Variants in RYR3 observed in about 807,000 individuals in gnomAD.
The protein encoded by RYR3 is ryanodine receptor 3.
In RYR3, 207 loss-of-function variants were observed where a neutral mutation model predicts 584.3. The observed-to-expected ratio is 0.35, with a 90% CI of 0.32 to 0.40. RYR3 has a LOEUF of 0.40. Among genes scored for constraint, RYR3 ranks in the 10% least tolerant of loss-of-function variants. The pLI is 1.00. For synonymous variants in RYR3, 2,416 were observed against 2,248.5 expected (o/e 1.07, Z -2.11); for missense variants, 5,616 against 6,089.2 (o/e 0.92, Z 2.59).
chr15:33,842,003 A>G lies in RYR3; in HGVS notation c.13177A>G (p.Lys4393Glu), dbSNP rs1449121022. 24 of 1,602,608 alleles carry G rather than the reference A, an allele frequency of 1.5e-5. No homozygotes were observed. The highest frequency in any genetic ancestry group is 2.0e-5 in the Non-Finnish European group (24 of 1,174,424). Reference protein sequence around the residue: ...KPEAFTANFFKGLEIYQTKLL... With the variant: ...KPEAFTANFFEGLEIYQTKLL... ...GGAAGCTTTCACAGCCAATTTCTTTAAAGGGCTGGAAATCTATCAGACCAA... is the reference window on the plus strand; with the variant it reads ...GGAAGCTTTCACAGCCAATTTCTTTGAAGGGCTGGAAATCTATCAGACCAA... Residue 4393 changes from lysine to glutamate, a missense_variant, in exon 91 of 104, where the codon AAA becomes GAA. By Grantham distance (56) the Lys-to-Glu change is moderately conservative (BLOSUM62 1). Coordinates refer to ENST00000634891, the MANE Select transcript of RYR3 (RefSeq NM_001036.6).
intron 18 of RYR3, among the ~76,000 whole-genome samples, chr15:33,606,363 T>C (rs1487349429): frequency 6.6e-6 from 1 of 152,230 alleles, no homozygotes; most frequent in Non-Finnish European, 1.5e-5. Context: ...GAGTCCTTGG[T>C]ACTTCACTCA....
At chr15:33,353,762 G>A (rs1973589023) in intron 1 of RYR3, among the ~76,000 whole-genome samples, 1 of 152,054 alleles carries the variant, frequency 6.6e-6, no homozygotes. Flanking sequence ...TTAACAGACA[G>A]TCTAATGGTG....
chr15:33,636,279 A>G (rs1224400541), intron 26 of RYR3, 97 bp from the exon 27 acceptor site: 1 of 1,024,084 alleles, frequency 9.8e-7, no homozygotes, highest in African/African-American at 1.6e-5. Context: ...TCATGTAACC[A>G]CTACTAGTTA....
intron 1 of RYR3, among the ~76,000 whole-genome samples, chr15:33,384,601 G>GCACA (rs10659855): frequency 0.026 from 3,823 of 145,252 alleles, 83 homozygotes; most frequent in African/African-American, 0.061. Context: ...ATCTATATAT[G>GCACA]CACACACACA....
intron 1 of RYR3, among the ~76,000 whole-genome samples, chr15:33,433,993 T>A (rs1185305454): frequency 1.3e-5 from 2 of 152,240 alleles, no homozygotes; most frequent in Non-Finnish European, 2.9e-5. Flanking sequence ...TGCAACAATT[T>A]GAACTTCACA....
chr15:33,809,295 A>C (rs2076381401), intron 70 of RYR3, among the ~76,000 whole-genome samples: 1 of 152,094 alleles, frequency 6.6e-6, no homozygotes, highest in African/African-American at 2.4e-5. Context: ...CATTGCTGCA[A>C]ACACTCCATG....
chr15:33,701,814 G>A (rs2066323485), intron 42 of RYR3, among the ~76,000 whole-genome samples: 1 of 152,156 alleles, frequency 6.6e-6, no homozygotes, highest in Non-Finnish European at 1.5e-5. Context: ...AAGCTGATCA[G>A]CCGCATTGTT....
intron 1 of RYR3, among the ~76,000 whole-genome samples, chr15:33,378,508 A>G (rs1331505024): frequency 6.6e-6 from 1 of 152,228 alleles, no homozygotes; most frequent in Non-Finnish European, 1.5e-5. Flanking sequence ...GGTTGGTAAT[A>G]AGCTGTTTGC....
chr15:33,688,496 C>T (rs1459479447), intron 38 of RYR3, among the ~76,000 whole-genome samples: 5 of 150,844 alleles, frequency 3.3e-5, no homozygotes, highest in African/African-American at 1.2e-4. Context: ...TGGCGTGGAC[C>T]CGGGAGGTGG....
chr15:33,530,569 C>G (rs1287664511), intron 3 of RYR3, 23 bp from the exon 4 acceptor site: 1 of 1,582,382 alleles, frequency 6.3e-7, no homozygotes, highest in South Asian at 1.1e-5. Flanking sequence ...ATGTGCTGAC[C>G]TTATTCTTCC....
At chr15:33,615,427 A>G (rs4238566) in intron 19 of RYR3, among the ~76,000 whole-genome samples, 1 of 152,050 alleles carries the variant, frequency 6.6e-6, no homozygotes, top group African/African-American at 2.4e-5. Flanking sequence ...GAATTGTCCT[A>G]TGCGAATGGT....
At chr15:33,798,298 C>T (rs1250678431) in intron 67 of RYR3, among the ~76,000 whole-genome samples, 1 of 152,056 alleles carries the variant, frequency 6.6e-6, no homozygotes, top group Admixed American at 6.5e-5. Context: ...ACCACATTGG[C>T]CAGGCTGGTC....
At position 33,546,211 on chromosome 15, in the gene RYR3, A is replaced by G. The variant is rs78474432; in HGVS notation, c.741-1919A>G. 9.4e-3 allele frequency among the ~76,000 whole-genome samples: 1,435 copies of G among 152,280 alleles called. 17 individuals are homozygous for G. Among genetic ancestry groups the G allele is most frequent in the African/African-American group, 0.031 (1,271 of 41,556 alleles). On this transcript the variant is annotated intron_variant, in intron 8 of 103. Coordinates refer to ENST00000634891, the MANE Select transcript of RYR3 (RefSeq NM_001036.6). ...AATCCTTCAGATGTCAGGGGTAGAG[A>G]ATCTTCTAGTTCCAGCTCCAGCGCT...
intron 1 of RYR3, among the ~76,000 whole-genome samples, chr15:33,399,593 G>A (rs1173211224): frequency 6.6e-6 from 1 of 152,118 alleles, no homozygotes; most frequent in African/African-American, 2.4e-5. Context: ...AGCCGAGATA[G>A]CGCCACTGCA....
intron 1 of RYR3, among the ~76,000 whole-genome samples, chr15:33,319,104 CAGTTG>C (rs1486795280): frequency 2.0e-5 from 3 of 152,194 alleles, no homozygotes; most frequent in Non-Finnish European, 2.9e-5. Flanking sequence ...GAAAATTTCA[CAGTTG>C]AGTTCTCTAA....
chr15:33,748,162 C>G lies in RYR3; in HGVS notation c.8038C>G (p.Leu2680Val), dbSNP rs2070931192. Reference protein sequence around the residue: ...WPARESLKTMLAVGWTVERTK... With the variant: ...WPARESLKTMVAVGWTVERTK... ...TGCGCGAGAGTCCCTGAAAACCATG[C>G]TGGCTGTGGGCTGGACTGTGGAGAG... The change falls in exon 54 of 104, where the codon CTG (leucine) becomes GTG (valine). Residue 2680 changes from leucine to valine, a missense_variant. Physicochemically the swap from Leu to Val is conservative, Grantham distance 32. This residue lies in a region of RYR3 where 1,280 missense variants were observed against 1,426.2 expected (regional missense o/e 0.90). Transcript: ENST00000634891. 2 of 1,613,838 alleles carry G rather than the reference C, an allele frequency of 1.2e-6. No homozygotes were observed. Among genetic ancestry groups the G allele is most frequent in the Middle Eastern group, 1.7e-4 (1 of 6,036 alleles).
In RYR3 at chr15:33,832,655, T is replaced by G. The variant is rs373282691; in HGVS notation, c.11463+1564T>G. Among the ~76,000 whole-genome samples, 10 of 80,020 alleles carry G rather than the reference T, an allele frequency of 1.2e-4. No individual in the cohort carries two copies. The East Asian group carries it at 2.3e-3, about 18-fold the overall frequency. 52.5% of individuals were successfully genotyped at this position (80,020 alleles called of 152,430 possible). On this transcript the variant is annotated intron_variant, in intron 86 of 103. Coordinates refer to ENST00000634891, the MANE Select transcript of RYR3 (RefSeq NM_001036.6). ...ATGGGTGACAGAGCGAGACTCTGTCTCAAAAAAAAAAAAAAAACCCTACAT... is the reference window on the plus strand; with the variant it reads ...ATGGGTGACAGAGCGAGACTCTGTCGCAAAAAAAAAAAAAAAACCCTACAT...
chr15:33,524,778 A>G (rs1032011627), intron 3 of RYR3, among the ~76,000 whole-genome samples: 1 of 152,060 alleles, frequency 6.6e-6, no homozygotes, highest in Non-Finnish European at 1.5e-5. Context: ...TCTCTTCCAT[A>G]TGTTTGAATT....
At position 33,636,380 on chromosome 15, in the gene RYR3, A is replaced by G. The variant is rs780286746; in HGVS notation, c.3386A>G (p.Gln1129Arg). 2 of 1,613,912 alleles carry G rather than the reference A, an allele frequency of 1.2e-6. No individual in the cohort carries two copies. Among genetic ancestry groups the G allele is most frequent in the Non-Finnish European group, 1.7e-6 (2 of 1,179,838 alleles). The change falls in exon 27 of 104, where the codon CAG becomes CGG. Residue 1129 changes from glutamine to arginine, a missense_variant. By Grantham distance (43) the Gln-to-Arg change is conservative. Around this residue, in one of 9 missense-constraint regions of RYR3, gnomAD observed 152 missense variants for 200.9 expected, o/e 0.76. Coordinates refer to ENST00000634891, the MANE Select transcript of RYR3 (RefSeq NM_001036.6). ...CCCTAGAGTCTTGTTTTCTAGGGCC[A>G]GCGTTGGCATCAAGGAAGTGGGTAT... ...QAFVFEGNRG[Q>R]RWHQGSGYFG...
Sources: gnomAD v4.1 joint callset for allele counts (sites outside exome capture counted in the v4.1 genomes callset) on GRCh38, gnomAD v4.1.1 for gene constraint, gnomAD v4.1.1 regional missense constraint, MANE v1.5 for transcripts, NCBI Gene and HGNC (gene_info 2026-07-23, HGNC 2026-07-21) for gene names.